Variants in PILRA observed in about 807,000 individuals in gnomAD.
The protein encoded by PILRA is paired immunoglobulin-like type 2 receptor alpha.
In PILRA, 37 loss-of-function variants were observed where a neutral mutation model predicts 33.1. The ratio of observed to expected loss-of-function variants is 1.12; its 90% CI spans 0.86 to 1.47. The LOEUF (loss-of-function observed/expected upper bound fraction) is 1.47. Among genes scored for constraint, PILRA ranks in the 40% most tolerant of loss-of-function variants. The pLI is 0.00. For missense variants in PILRA, 312 were observed against 376.2 expected, an observed-to-expected ratio of 0.83 and a Z score of 1.41; for synonymous variants, 146 against 149.9, an observed-to-expected ratio of 0.97 and a Z score of 0.19.
intron 2 of PILRA, among the ~76,000 whole-genome samples, chr7:100,377,574 A>G (rs1355452652): frequency 6.6e-6 from 1 of 151,912 alleles, no homozygotes; most frequent in Non-Finnish European, 1.5e-5. Flanking sequence ...AAAAATCCCT[A>G]TTTCCACTAT....
intron 2 of PILRA, among the ~76,000 whole-genome samples, chr7:100,378,418 A>G (rs1378549080): frequency 6.6e-6 from 1 of 152,192 alleles, no homozygotes; most frequent in Non-Finnish European, 1.5e-5. Flanking sequence ...CAATGTTAGA[A>G]TAAGTTTATC....
In PILRA at chr7:100,374,397, C is replaced by T. The variant is rs752609650; in HGVS notation, c.418C>T (p.Gln140Ter). Residue 140 changes from glutamine (Q) to a stop codon, truncating the protein, a stop_gained, in exon 2 of 7, where the codon CAG becomes TAG. Transcript: ENST00000198536. LOFTEE classifies it high-confidence loss of function. ...DTRSSGRQQW[Q>*]SIEGTKLSIT... is the part of the protein sequence containing the mutation. ...ACGGAGCTCAGGGAGGCAGCAGTGGCAGTCCATCGAGGGGACCAAACTCTC... is the reference window on the plus strand; with the variant it reads ...ACGGAGCTCAGGGAGGCAGCAGTGGTAGTCCATCGAGGGGACCAAACTCTC... The T allele has an allele frequency of 6.2e-7, 1 of 1,614,108 alleles. No homozygotes were observed. Among genetic ancestry groups the T allele is most frequent in the South Asian group, 1.1e-5 (1 of 91,090 alleles).
At chr7:100,388,191 A>G (rs1351898763) in intron 2 of PILRA, among the ~76,000 whole-genome samples, 1 of 152,118 alleles carries the variant, frequency 6.6e-6, no homozygotes, top group Admixed American at 6.6e-5. Flanking sequence ...AAGACATAGC[A>G]TTTACACTTT....
chr7:100,380,181 A>T (rs1317549109), intron 2 of PILRA, among the ~76,000 whole-genome samples: 1 of 152,206 alleles, frequency 6.6e-6, no homozygotes, highest in Non-Finnish European at 1.5e-5. Flanking sequence ...TCTGGTCCTC[A>T]TACCGAATCC....
At chr7:100,371,611 C>T (rs1040924016), upstream of PILRA, among the ~76,000 whole-genome samples, 1 of 152,116 alleles carries the variant, frequency 6.6e-6, no homozygotes, top group Non-Finnish European at 1.5e-5. Flanking sequence ...GCCCCTGCTC[C>T]CCACACACGA....
chr7:100,389,809 G>A, intron 2 of PILRA, 79 bp from the exon 3 acceptor site: 1 of 1,218,638 alleles, frequency 8.2e-7, no homozygotes. Flanking sequence ...CCCCAACCTA[G>A]AAAGCAGCAC....
chr7:100,383,402 G>A (rs1464667946), intron 2 of PILRA, among the ~76,000 whole-genome samples: 1 of 152,176 alleles, frequency 6.6e-6, no homozygotes, highest in African/African-American at 2.4e-5. Context: ...GAAGCCCCAG[G>A]AAGATCCAAG....
chr7:100,391,177 T>G (rs1242050235), intron 3 of PILRA, among the ~76,000 whole-genome samples: 1 of 142,150 alleles, frequency 7.0e-6, no homozygotes. Flanking sequence ...ATAATAATAA[T>G]AATAATAATT....
chr7:100,386,083 C>A (rs904873616), intron 2 of PILRA, among the ~76,000 whole-genome samples: 1 of 152,094 alleles, frequency 6.6e-6, no homozygotes, highest in African/African-American at 2.4e-5. Flanking sequence ...GCACGTGTCA[C>A]CATGCCCACC....
chr7:100,399,365 C>T, intron 5 of PILRA, 25 bp downstream of exon 5: 7 of 1,587,944 alleles, frequency 4.4e-6, no homozygotes, highest in Non-Finnish European at 6.1e-6. Flanking sequence ...CCATCCTTCC[C>T]CAGTTTCTAC....
chr7:100,379,752 A>G (rs1791045981), intron 2 of PILRA, among the ~76,000 whole-genome samples: 1 of 151,958 alleles, frequency 6.6e-6, no homozygotes, highest in South Asian at 2.1e-4. Context: ...ACCCTCTCCC[A>G]GAGTCTACTA....
intron 2 of PILRA, among the ~76,000 whole-genome samples, chr7:100,382,037 C>A (rs1330865798): frequency 1.4e-5 from 2 of 144,692 alleles, no homozygotes; most frequent in African/African-American, 5.0e-5. Flanking sequence ...GGCTCCAGCG[C>A]GGCCCAAGCC....
intron 2 of PILRA, among the ~76,000 whole-genome samples, chr7:100,382,756 C>A (rs543264698): frequency 6.6e-6 from 1 of 152,118 alleles, no homozygotes; most frequent in South Asian, 2.1e-4. Context: ...GCTGCTTGCT[C>A]TTTGGGTCCA....
In PILRA at chr7:100,390,050, T is replaced by C; in HGVS notation, c.617T>C (p.Val206Ala). Residue 206 changes from valine (V) to alanine (A), a missense_variant, in exon 3 of 7, where the codon GTG becomes GCG. Transcript: ENST00000198536. ...TAVGVAVAVTVLGIMILGLIC... is the reference protein window; with the variant it reads ...TAVGVAVAVTALGIMILGLIC... Reference sequence around the variant, plus strand: ...GTGGGGGTGGCAGTGGCTGTCACTGTGCTCGGAATCATGATTTTGGGACTG... The same window carrying C: ...GTGGGGGTGGCAGTGGCTGTCACTGCGCTCGGAATCATGATTTTGGGACTG... The C allele has an allele frequency of 6.2e-7, 1 of 1,614,064 alleles. No homozygotes were observed. The highest frequency in any genetic ancestry group is 8.5e-7 in the Non-Finnish European group (1 of 1,179,996).
chr7:100,399,675 G>A, intron 6 of PILRA, 63 bp downstream of exon 6: 2 of 1,611,876 alleles, frequency 1.2e-6, no homozygotes, highest in Non-Finnish European at 1.7e-6. Flanking sequence ...GGGGTGGAAG[G>A]GAGAAGGGGA....
chr7:100,389,470 T>C (rs1206185983), intron 2 of PILRA, among the ~76,000 whole-genome samples: 1 of 152,094 alleles, frequency 6.6e-6, no homozygotes, highest in Non-Finnish European at 1.5e-5. Context: ...TCCCTATTTG[T>C]GAGTGAGGAG....
chr7:100,384,853 G>A (rs1311608301), intron 2 of PILRA, among the ~76,000 whole-genome samples: 2 of 152,118 alleles, frequency 1.3e-5, no homozygotes, highest in Non-Finnish European at 2.9e-5. Flanking sequence ...GGCTAGAGAG[G>A]AAGTTTTAGG....
At position 100,377,231 on chromosome 7, in the gene PILRA, C is replaced by CTTTTTTTTTTTTTT. The variant is rs761225046; in HGVS notation, c.454+2812_454+2825dup. ...GTTCTTCTTTGTCACTTTTCTATTT[C>CTTTTTTTTTTTTTT]TTTTTTTTTTTTTTTTTTTTTTTTT... On this transcript the variant is annotated intron_variant, in intron 2 of 6. Coordinates refer to ENST00000198536, the MANE Select transcript of PILRA (RefSeq NM_013439.3). Among the ~76,000 whole-genome samples the CTTTTTTTTTTTTTT allele has an allele frequency of 1.1e-4, 11 of 100,940 alleles. 1 individual carries two copies. The highest frequency in any genetic ancestry group is 1.4e-4 in the Non-Finnish European group (7 of 50,886). The allele number at this position is 100,940 out of a possible 152,430, so 66.2% of individuals were successfully genotyped here.
intron 3 of PILRA, among the ~76,000 whole-genome samples, chr7:100,397,242 G>A (rs1791518344): frequency 6.6e-6 from 1 of 151,976 alleles, no homozygotes; most frequent in Non-Finnish European, 1.5e-5. Flanking sequence ...CCTGGGAGGA[G>A]GCTAGATGGT....
Sources: gnomAD v4.1 joint callset for allele counts (sites outside exome capture counted in the v4.1 genomes callset) on GRCh38, gnomAD v4.1.1 for gene constraint, MANE v1.5 for transcripts, NCBI Gene and HGNC (gene_info 2026-07-23, HGNC 2026-07-21) for gene names.